HS6ST3: variants seen among roughly 807,000 people sequenced by gnomAD.
HS6ST3 encodes heparan-sulfate 6-O-sulfotransferase 3.
HS6ST3 carries 12 observed loss-of-function variants against 36.7 expected under a neutral mutation model. The ratio of observed to expected loss-of-function variants is 0.33; its 90% confidence interval spans 0.21 to 0.53. The LOEUF is 0.53. Among genes scored for constraint, HS6ST3 ranks in the 20% least tolerant of loss-of-function variants. The pLI, the probability that HS6ST3 is intolerant of heterozygous loss-of-function variation, is 0.95. For synonymous variants in HS6ST3, 240 were observed against 257.5 expected (o/e 0.93, Z 0.65); for missense variants, 584 against 640.9 (o/e 0.91, Z 0.96).
intron 1 of HS6ST3, among the ~76,000 whole-genome samples, chr13:96,640,271 G>A (rs1451753532): frequency 2.6e-5 from 4 of 151,936 alleles, no homozygotes; most frequent in Non-Finnish European, 5.9e-5. Context: ...TGATTGGTGT[G>A]AGATAGTATC....
chr13:96,289,511 C>T (rs977603405), intron 1 of HS6ST3, among the ~76,000 whole-genome samples: 26 of 152,094 alleles, frequency 1.7e-4, no homozygotes, highest in Admixed American at 1.7e-3. Context: ...AAGAATTGCT[C>T]ACACAACTGG....
At chr13:96,596,246 C>T (rs1352227504) in intron 1 of HS6ST3, among the ~76,000 whole-genome samples, 1 of 152,148 alleles carries the variant, frequency 6.6e-6, no homozygotes, top group Non-Finnish European at 1.5e-5. Context: ...TGGCCTCCAG[C>T]TCCATCCAAG....
intron 1 of HS6ST3, among the ~76,000 whole-genome samples, chr13:96,832,161 A>T (rs1004834808): frequency 6.6e-6 from 1 of 152,114 alleles, no homozygotes; most frequent in African/African-American, 2.4e-5. Flanking sequence ...TGTTTTCTCT[A>T]AATGTAAGGT....
chr13:96,341,991 T>A (rs2055132840), intron 1 of HS6ST3, among the ~76,000 whole-genome samples: 1 of 152,118 alleles, frequency 6.6e-6, no homozygotes, highest in Non-Finnish European at 1.5e-5. Flanking sequence ...CTAAGTGAGG[T>A]CCCAGATGAA....
intron 1 of HS6ST3, among the ~76,000 whole-genome samples, chr13:96,742,240 A>G (rs573396463): frequency 1.3e-3 from 197 of 152,272 alleles, no homozygotes; most frequent in Non-Finnish European, 2.0e-3. Flanking sequence ...GAATACAAAA[A>G]TACGGCAGAA....
At position 96,333,096 on chromosome 13, in the gene HS6ST3, C is replaced by T. The variant is rs1443828301; in HGVS notation, c.707+241527C>T. Among the ~76,000 whole-genome samples the T allele has an allele frequency of 2.6e-5, 4 of 152,266 alleles. No homozygotes were observed. In the East Asian group the frequency reaches 7.7e-4, roughly 29 times the overall value. On this transcript the variant is annotated intron_variant, in intron 1 of 1. Coordinates refer to ENST00000376705, the MANE Select transcript of HS6ST3 (RefSeq NM_153456.4). ...TTTCTGTTGTTTATAAGCTACTCAG[C>T]CTTTGAGATTTTGTTATAGCAGTGC...
intron 1 of HS6ST3, among the ~76,000 whole-genome samples, chr13:96,304,142 C>CAAAA (rs71113990): frequency 2.9e-5 from 4 of 135,788 alleles, no homozygotes; most frequent in South Asian, 2.4e-4. Flanking sequence ...GACTCCATCT[C>CAAAA]AAAAAAAAAA....
At chr13:96,172,517 G>A (rs1017633193) in intron 1 of HS6ST3, among the ~76,000 whole-genome samples, 1 of 152,138 alleles carries the variant, frequency 6.6e-6, no homozygotes, top group African/African-American at 2.4e-5. Flanking sequence ...ATACTATCTT[G>A]ATTTTATAAC....
At chr13:96,421,255 AG>A (rs1594776494) in intron 1 of HS6ST3, among the ~76,000 whole-genome samples, 2 of 152,214 alleles carry the variant, frequency 1.3e-5, no homozygotes, top group African/African-American at 4.8e-5. Flanking sequence ...GATTATCTTT[AG>A]TACCACAGTT....
rs561358610 is a variant in HS6ST3 at position 96,428,040 on chromosome 13, ATAGT to A, written c.707+336475_707+336478del. On this transcript the variant is annotated intron_variant, in intron 1 of 1. Coordinates refer to ENST00000376705, the MANE Select transcript of HS6ST3 (RefSeq NM_153456.4). ...TGTGGGGTTCTTTACATAATTAATA[ATAGT>A]TAGGGATATGAGACACATTTGAGGG... Among the ~76,000 whole-genome samples the A allele has an allele frequency of 4.9e-3, 745 of 152,240 alleles. 9 individuals carry two copies. The highest frequency in any genetic ancestry group is 2.8e-3 in the Non-Finnish European group (193 of 68,012).
intron 1 of HS6ST3, among the ~76,000 whole-genome samples, chr13:96,162,104 A>G (rs1224597587): frequency 6.6e-6 from 1 of 152,210 alleles, no homozygotes; most frequent in Admixed American, 6.5e-5. Flanking sequence ...ACAGCCTGGG[A>G]ACAGCTTAAT....
At chr13:96,475,685 A>G (rs903668364) in intron 1 of HS6ST3, among the ~76,000 whole-genome samples, 2 of 151,992 alleles carry the variant, frequency 1.3e-5, no homozygotes, top group African/African-American at 4.8e-5. Context: ...CTAATGATAT[A>G]TACTAGTTAA....
chr13:96,129,452 ATCT>A (rs1044964923), intron 1 of HS6ST3, among the ~76,000 whole-genome samples: 7 of 152,196 alleles, frequency 4.6e-5, no homozygotes, highest in Non-Finnish European at 8.8e-5. Flanking sequence ...TTATTGAAAC[ATCT>A]TCTGTTCTGG....
chr13:96,379,299 C>A (rs536790461), intron 1 of HS6ST3, among the ~76,000 whole-genome samples: 9 of 152,252 alleles, frequency 5.9e-5, no homozygotes, highest in South Asian at 2.1e-4. Flanking sequence ...AGAGGTGGGG[C>A]CTTTGGGAGA....
intron 1 of HS6ST3, among the ~76,000 whole-genome samples, chr13:96,279,037 C>T (rs1398894054): frequency 6.6e-6 from 1 of 152,100 alleles, no homozygotes; most frequent in Non-Finnish European, 1.5e-5. Flanking sequence ...GCCCAGGTTA[C>T]GGACTTCATC....
At chr13:96,798,151 C>T (rs147178443) in intron 1 of HS6ST3, among the ~76,000 whole-genome samples, 5 of 152,044 alleles carry the variant, frequency 3.3e-5, no homozygotes, top group Non-Finnish European at 7.4e-5. Flanking sequence ...AGGATACAGA[C>T]GAAGAGATGC....
chr13:96,436,965 CAT>C (rs1491430783), intron 1 of HS6ST3, among the ~76,000 whole-genome samples: 1 of 114,856 alleles, frequency 8.7e-6, no homozygotes, highest in African/African-American at 3.9e-5. Flanking sequence ...AAAGGGCCTC[CAT>C]TTTTTTTTTC....
intron 1 of HS6ST3, among the ~76,000 whole-genome samples, chr13:96,584,199 A>G (rs1471152599): frequency 2.6e-5 from 4 of 152,098 alleles, no homozygotes; most frequent in Non-Finnish European, 4.4e-5. Context: ...GTGCAGTGAC[A>G]CAATCTCGAT....
intron 1 of HS6ST3, among the ~76,000 whole-genome samples, chr13:96,764,083 A>AG (rs1877035064): frequency 6.6e-6 from 1 of 152,232 alleles, no homozygotes; most frequent in Non-Finnish European, 1.5e-5. Flanking sequence ...ACGTTTACTC[A>AG]CATTCACGTC....
Sources: allele counts gnomAD v4.1 joint callset (sites outside exome capture counted in the v4.1 genomes callset), GRCh38; gene constraint gnomAD v4.1.1; transcripts MANE v1.5; gene names NCBI Gene and HGNC (gene_info 2026-07-23, HGNC 2026-07-21).